The following ASPM variants were observed in gnomAD, a reference collection of about 807,000 sequenced individuals.
ASPM encodes the protein assembly factor for spindle microtubules.
In ASPM, 256 loss-of-function variants were observed where a neutral mutation model predicts 366.4. The observed-to-expected ratio is 0.70, with a 90% CI of 0.63 to 0.77. The LOEUF is 0.77. Among genes scored for constraint, ASPM ranks in the 30% least tolerant of loss-of-function variants. The probability of loss-of-function intolerance (pLI) is 0.00; values close to 1 mark genes in which losing one functional copy is unlikely to be tolerated. For synonymous variants in ASPM, 1,414 were observed against 1,342.9 expected (o/e 1.05, Z -1.16); for missense variants, 4,146 against 4,090.4 (o/e 1.01, Z -0.37).
intron 9 of ASPM, 83 bp downstream of exon 9, chr1:197,129,104 T>C (rs968824784): frequency 1.0e-5 from 15 of 1,495,636 alleles, no homozygotes; most frequent in Admixed American, 7.7e-5. Flanking sequence ...TAATTTTTTT[T>C]CTAAAGAGAA....
chr1:197,122,085 A>C, intron 15 of ASPM, 42 bp from the exon 16 acceptor site: 1 of 1,602,802 alleles, frequency 6.2e-7, no homozygotes, highest in Non-Finnish European at 8.5e-7. Context: ...ATATCAACAG[A>C]GAATACAGTA....
At position 197,139,885 on chromosome 1, in the gene ASPM, G is replaced by C. The variant is rs189193044; in HGVS notation, c.1922-14C>G. On this transcript the variant is annotated splice_polypyrimidine_tract_variant and intron_variant, in intron 3 of 27. Coordinates refer to ENST00000367409, the MANE Select transcript of ASPM (RefSeq NM_018136.5). ...ATATTGATAAATCTAAAATAAATTA[G>C]AAAACAAAACTAAGAGCATTAAAAT... 538 of 1,534,654 alleles carry C rather than the reference G, an allele frequency of 3.5e-4. No individual in the cohort carries two copies. The African/African-American group carries it at 6.2e-3, about 18-fold the overall frequency.
At chr1:197,099,913 G>A (rs936835476) in intron 18 of ASPM, among the ~76,000 whole-genome samples, 1 of 151,482 alleles carries the variant, frequency 6.6e-6, no homozygotes, top group African/African-American at 2.4e-5. Context: ...AGATAATACT[G>A]TACATTCCTC....
chr1:197,098,274 C>T (rs781452527), intron 18 of ASPM, among the ~76,000 whole-genome samples: 27 of 151,398 alleles, frequency 1.8e-4, no homozygotes, highest in Non-Finnish European at 3.0e-4. Flanking sequence ...TCCCAAACTT[C>T]GCTGCTCATT....
At chr1:197,100,369 C>A in intron 18 of ASPM, 62 bp downstream of exon 18, 1 of 1,149,530 alleles carries the variant, frequency 8.7e-7, no homozygotes, top group Non-Finnish European at 1.2e-6. Flanking sequence ...TTTATACATT[C>A]TAACAAATAT....
intron 20 of ASPM, among the ~76,000 whole-genome samples, chr1:197,093,817 G>A (rs1046601756): frequency 6.6e-6 from 1 of 151,760 alleles, no homozygotes; most frequent in Non-Finnish European, 1.5e-5. Context: ...TGCAATATCT[G>A]CAAAGCACCA....
At chr1:197,137,832 T>C (rs1173389370) in intron 4 of ASPM, among the ~76,000 whole-genome samples, 1 of 152,170 alleles carries the variant, frequency 6.6e-6, no homozygotes, top group Non-Finnish European at 1.5e-5. Flanking sequence ...CTGTAAGACA[T>C]AATATTATCA....
At chr1:197,087,363 A>G (rs2125086617) in intron 26 of ASPM, among the ~76,000 whole-genome samples, 1 of 152,308 alleles carries the variant, frequency 6.6e-6, no homozygotes, top group South Asian at 2.1e-4. Context: ...GGCGTGAGCC[A>G]CCGTGCCCAG....
chr1:197,100,292 G>A, intron 18 of ASPM, 139 bp downstream of exon 18: 1 of 640,076 alleles, frequency 1.6e-6, no homozygotes. Context: ...TTTCAAAAAT[G>A]TTCCACTTTG....
chr1:197,095,322 G>C (rs1656936341), intron 19 of ASPM, among the ~76,000 whole-genome samples: 1 of 151,548 alleles, frequency 6.6e-6, no homozygotes, highest in African/African-American at 2.4e-5. Context: ...GTTAAGCCCT[G>C]CTTCTACCCA....
Position 197,101,278 on chromosome 1 carries a change from T to C in ASPM, c.7973A>G (p.Tyr2658Cys). 6.2e-7 allele frequency: 1 copy of C among 1,612,082 alleles called. No individual in the cohort carries two copies. Among genetic ancestry groups the C allele is most frequent in the Non-Finnish European group, 8.5e-7 (1 of 1,178,906 alleles). The change falls in exon 18 of 28, where the codon TAC (tyrosine) becomes TGC (cysteine). Residue 2658 changes from tyrosine to cysteine, a missense_variant. Coordinates refer to ENST00000367409, the MANE Select transcript of ASPM (RefSeq NM_018136.5). ...RATVVSIQRR[Y>C]RKLTAVRTQA... ...GGTACGCACTGCAGTTAGTTTTCTG[T>C]ATCTTCTTTGAATAGAAACTACTGT...
chr1:197,112,752 C>T (rs1571608188), intron 17 of ASPM, among the ~76,000 whole-genome samples: 2 of 152,216 alleles, frequency 1.3e-5, no homozygotes, highest in Admixed American at 6.6e-5. Context: ...CCAGACTAAA[C>T]CAATGTACTT....
intron 27 of ASPM, among the ~76,000 whole-genome samples, chr1:197,086,107 A>G (rs1052066029): frequency 1.3e-4 from 20 of 152,292 alleles, no homozygotes; most frequent in Non-Finnish European, 2.2e-4. Flanking sequence ...ACTACATTAT[A>G]CAGTTTATAA....
At chr1:197,086,658 T>C in intron 27 of ASPM, 145 bp downstream of exon 27, 1 of 757,846 alleles carries the variant, frequency 1.3e-6, no homozygotes, top group Non-Finnish European at 2.3e-6. Flanking sequence ...CTGCTTCTTT[T>C]AAATTTACCA....
Position 197,132,364 on chromosome 1 carries a change from G to A in ASPM, c.2420-12C>T, listed in dbSNP as rs756939363. 20 of 1,611,520 alleles carry A rather than the reference G, an allele frequency of 1.2e-5. No homozygotes were observed. The highest frequency in any genetic ancestry group is 1.6e-5 in the Non-Finnish European group (19 of 1,178,132). ...TTTCTGACGTTCTCCTGAAATGCAT[G>A]TCAAAGGCAAATAAGTTCAAATTGA... On this transcript the variant is annotated splice_polypyrimidine_tract_variant and intron_variant, in intron 6 of 27. Coordinates refer to ENST00000367409, the MANE Select transcript of ASPM (RefSeq NM_018136.5).
Position 197,146,473 on chromosome 1 carries a change from C to G in ASPM, c.-36G>C. 1.9e-6 allele frequency: 3 copies of G among 1,598,620 alleles called. No individual in the cohort carries two copies. Among genetic ancestry groups the G allele is most frequent in the Non-Finnish European group, 2.5e-6 (3 of 1,178,356 alleles). ...AGACCCCTCCTGGATCTCCTTGCCC[C>G]GCTCCCACGAGGCGGCTCCGGAGCG... On this transcript the variant is annotated 5_prime_UTR_variant, in exon 1 of 28. Transcript: ENST00000367409.
chr1:197,132,180 C>G (rs765811978), intron 7 of ASPM, 105 bp downstream of exon 7: 95 of 904,840 alleles, frequency 1.0e-4, no homozygotes, highest in Non-Finnish European at 1.6e-4. Flanking sequence ...AACCTAATGA[C>G]TTTCAACTTT....
intron 10 of ASPM, among the ~76,000 whole-genome samples, chr1:197,126,691 G>A (rs1384178728): frequency 2.6e-5 from 4 of 152,148 alleles, no homozygotes; most frequent in African/African-American, 9.7e-5. Context: ...CAAAGCTGCA[G>A]TAAAAAGACT....
chr1:197,106,468 C>A (rs1182751110), intron 17 of ASPM, among the ~76,000 whole-genome samples: 1 of 151,778 alleles, frequency 6.6e-6, no homozygotes, highest in Non-Finnish European at 1.5e-5. Context: ...TTTTGAGCAC[C>A]CACCCCCAAC....
Sources: allele counts gnomAD v4.1 joint callset (sites outside exome capture counted in the v4.1 genomes callset), GRCh38; gene constraint gnomAD v4.1.1; transcripts MANE v1.5; gene names NCBI Gene and HGNC (gene_info 2026-07-23, HGNC 2026-07-21).